STK3: variants seen among roughly 807,000 people sequenced by gnomAD.
STK3 encodes serine/threonine kinase 3.
Under a neutral mutation model 58.0 loss-of-function variants are expected in STK3, and 41 were observed. The observed-to-expected ratio is 0.71, with a 90% CI of 0.55 to 0.92. The LOEUF (loss-of-function observed/expected upper bound fraction) is 0.92. STK3 is among the 40% of genes least tolerant of loss of function. The pLI is 0.00. For missense variants in STK3, 479 were observed against 602.7 expected (o/e 0.79, Z 2.15); for synonymous variants, 170 against 191.0 (o/e 0.89, Z 0.91).
At chr8:98,842,715 G>T (rs1836043166) in intron 3 of STK3, among the ~76,000 whole-genome samples, 1 of 151,932 alleles carries the variant, frequency 6.6e-6, no homozygotes, top group South Asian at 2.1e-4. Context: ...AAACAGTGTG[G>T]TATTGGCTGG....
chr8:98,782,803 AG>A (rs1254204907), intron 1 of STK3, among the ~76,000 whole-genome samples: 1 of 152,168 alleles, frequency 6.6e-6, no homozygotes, highest in Non-Finnish European at 1.5e-5. Flanking sequence ...TCATTTGAAA[AG>A]GAAAAAGTGT....
the STK3 span, among the ~76,000 whole-genome samples, chr8:98,349,462 G>A: frequency 6.6e-6 from 1 of 152,208 alleles, no homozygotes; most frequent in Non-Finnish European, 1.5e-5. Flanking sequence ...AGGGTAAGCT[G>A]TTGGTGGATC....
rs149512103 is a variant in STK3 at position 98,690,117 on chromosome 8, C to G, written c.684+16350G>C. ...TGAATGGGCAAAAGCCAGATGCATT[C>G]CCTTAAGAACTGGACCAAGACAAAG... On this transcript the variant is annotated intron_variant, in intron 6 of 10. Coordinates refer to ENST00000419617, the MANE Select transcript of STK3 (RefSeq NM_006281.4). 2.1e-4 allele frequency among the ~76,000 whole-genome samples: 32 copies of G among 152,224 alleles called. No individual in the cohort carries two copies. The East Asian group carries it at 2.1e-3, about 10-fold the overall frequency.
At chr8:98,779,464 G>C (rs1192652333) in intron 1 of STK3, among the ~76,000 whole-genome samples, 2 of 152,204 alleles carry the variant, frequency 1.3e-5, no homozygotes, top group African/African-American at 4.8e-5. Context: ...GGGTGGCTGA[G>C]ATAGTGACAC....
intron 4 of STK3, among the ~76,000 whole-genome samples, chr8:98,711,408 A>C (rs1368682292): frequency 6.6e-6 from 1 of 152,208 alleles, no homozygotes; most frequent in Non-Finnish European, 1.5e-5. Flanking sequence ...CAAATGGCTA[A>C]CTAGAATAAC....
chr8:98,646,389 T>A (rs187663286), intron 6 of STK3, among the ~76,000 whole-genome samples: 1 of 152,218 alleles, frequency 6.6e-6, no homozygotes, highest in Non-Finnish European at 1.5e-5. Context: ...AACCCACTTA[T>A]CTATTCAATT....
chr8:98,733,864 T>C (rs916838790), intron 4 of STK3, among the ~76,000 whole-genome samples: 1 of 152,184 alleles, frequency 6.6e-6, no homozygotes, highest in African/African-American at 2.4e-5. Flanking sequence ...AAAACTGCTG[T>C]ATTCATCCAC....
chr8:98,870,772 T>C (rs1837342282), intron 3 of STK3, among the ~76,000 whole-genome samples: 1 of 152,168 alleles, frequency 6.6e-6, no homozygotes, highest in African/African-American at 2.4e-5. Flanking sequence ...ATTTAAAAAT[T>C]TTTCTCCCAT....
At chr8:98,620,665 A>G (rs1038979644) in intron 6 of STK3, among the ~76,000 whole-genome samples, 1 of 151,474 alleles carries the variant, frequency 6.6e-6, no homozygotes, top group Non-Finnish European at 1.5e-5. Flanking sequence ...AATGCAAGAC[A>G]AGAAGAAAGA....
intron 3 of STK3, among the ~76,000 whole-genome samples, chr8:98,835,814 C>T (rs1485356381): frequency 1.3e-5 from 2 of 152,190 alleles, no homozygotes; most frequent in African/African-American, 4.8e-5. Flanking sequence ...CTTGGATGCT[C>T]TAGCTCAGCC....
chr8:98,394,998 G>A (rs1158342287), intron 3 of STK3, among the ~76,000 whole-genome samples: 1 of 152,170 alleles, frequency 6.6e-6, no homozygotes, highest in Non-Finnish European at 1.5e-5. Context: ...ATGGACTGAG[G>A]AGGCTTTGTG....
intron 10 of STK3, among the ~76,000 whole-genome samples, chr8:98,466,664 G>T (rs543743655): frequency 6.6e-6 from 1 of 152,236 alleles, no homozygotes; most frequent in South Asian, 2.1e-4. Flanking sequence ...TGTTTCCCTG[G>T]TCTTGCTCTG....
chr8:98,422,322 C>A lies in STK3; in HGVS notation n.483+11805G>T, dbSNP rs184818770. ...TTCCTCTCAATCTCTCCCCTCCCCC[C>A]ACTCCAACTTCACTGGGGCCTAGAC... On this transcript the variant is annotated intron_variant and non_coding_transcript_variant, in intron 3 of 3. Transcript: ENST00000517832. Among the ~76,000 whole-genome samples the A allele has an allele frequency of 5.3e-3, 805 of 152,270 alleles. 3 individuals are homozygous for A. Among genetic ancestry groups the A allele is most frequent in the Middle Eastern group, 0.014 (4 of 294 alleles).
chr8:98,530,011 G>A (rs1238184288), intron 9 of STK3, among the ~76,000 whole-genome samples: 1 of 152,120 alleles, frequency 6.6e-6, no homozygotes, highest in Admixed American at 6.6e-5. Context: ...ACTAGATACA[G>A]GCATATTTCG....
At chr8:98,852,709 T>C (rs1202135228) in intron 3 of STK3, among the ~76,000 whole-genome samples, 1 of 152,234 alleles carries the variant, frequency 6.6e-6, no homozygotes, top group Non-Finnish European at 1.5e-5. Flanking sequence ...TCTCCTTACA[T>C]GTTTATGTAA....
chr8:98,656,531 A>T (rs1420664179), intron 6 of STK3, among the ~76,000 whole-genome samples: 1 of 152,120 alleles, frequency 6.6e-6, no homozygotes, highest in Non-Finnish European at 1.5e-5. Context: ...TTATGTACTC[A>T]AGAAAGGCTG....
At chr8:98,454,180 T>C (rs1222443152), downstream of STK3, among the ~76,000 whole-genome samples, 1 of 152,218 alleles carries the variant, frequency 6.6e-6, no homozygotes, top group East Asian at 1.9e-4. Context: ...ATATACCTTC[T>C]GTGACAGACA....
chr8:98,733,035 T>G (rs1168475945), intron 4 of STK3, among the ~76,000 whole-genome samples: 1 of 152,166 alleles, frequency 6.6e-6, no homozygotes, highest in African/African-American at 2.4e-5. Flanking sequence ...CTTCTTTGGG[T>G]AACCTAGGGG....
chr8:98,599,649 G>C (rs1816161952), intron 6 of STK3, among the ~76,000 whole-genome samples: 1 of 152,152 alleles, frequency 6.6e-6, no homozygotes, highest in African/African-American at 2.4e-5. Context: ...GGGAAGGACA[G>C]GAAAAGGCCT....
Sources: gnomAD v4.1 joint callset for allele counts (sites outside exome capture counted in the v4.1 genomes callset) on GRCh38, gnomAD v4.1.1 for gene constraint, MANE v1.5 for transcripts, NCBI Gene and HGNC (gene_info 2026-07-23, HGNC 2026-07-21) for gene names.